Variants in APBB2 observed in about 807,000 individuals in gnomAD.
The protein encoded by APBB2 is amyloid beta precursor protein binding family B member 2, also known as Fe65-like 1.
APBB2 carries 38 observed loss-of-function variants against 82.5 expected under a neutral mutation model. The ratio of observed to expected loss-of-function variants is 0.46; its 90% CI spans 0.36 to 0.60. APBB2 has a LOEUF of 0.60. APBB2 is among the 20% of genes least tolerant of loss of function. The pLI, the probability that APBB2 is intolerant of heterozygous loss-of-function variation, is 0.00. For missense variants in APBB2, 772 were observed against 972.3 expected, an observed-to-expected ratio of 0.79 and a Z score of 2.74; for synonymous variants, 341 against 368.2, an observed-to-expected ratio of 0.93 and a Z score of 0.85.
At chr4:41,138,762 T>C (rs1758285395) in intron 2 of APBB2, among the ~76,000 whole-genome samples, 1 of 152,082 alleles carries the variant, frequency 6.6e-6, no homozygotes, top group South Asian at 2.1e-4. Flanking sequence ...AAATAAATAA[T>C]AATAACATCC....
chr4:40,872,929 T>C (rs1387731292), intron 12 of APBB2, among the ~76,000 whole-genome samples: 1 of 151,518 alleles, frequency 6.6e-6, no homozygotes, highest in East Asian at 1.9e-4. Context: ...CTACTACAAA[T>C]ACAAAAAAAT....
intron 12 of APBB2, among the ~76,000 whole-genome samples, chr4:40,866,851 A>G (rs1395688816): frequency 2.0e-5 from 3 of 152,024 alleles, no homozygotes; most frequent in Admixed American, 1.3e-4. Context: ...CTGAGTAGCT[A>G]GGATTACAGG....
intron 2 of APBB2, among the ~76,000 whole-genome samples, chr4:41,128,137 A>T (rs1274143061): frequency 6.6e-6 from 1 of 152,208 alleles, no homozygotes; most frequent in African/African-American, 2.4e-5. Flanking sequence ...AAAACAAGAC[A>T]TATAAGCAGC....
At chr4:41,021,713 A>G (rs900937383) in intron 5 of APBB2, among the ~76,000 whole-genome samples, 1 of 152,164 alleles carries the variant, frequency 6.6e-6, no homozygotes, top group Non-Finnish European at 1.5e-5. Context: ...CTGAGCTAGC[A>G]ATGGCAACTC....
At chr4:41,206,710 T>TC (rs1342390163) in intron 1 of APBB2, among the ~76,000 whole-genome samples, 1 of 152,040 alleles carries the variant, frequency 6.6e-6, no homozygotes, top group Non-Finnish European at 1.5e-5. Flanking sequence ...CGGTATTAGT[T>TC]CCCCCAGGAA....
intron 17 of APBB2, 39 bp from the exon 18 acceptor site, chr4:40,816,298 C>T: frequency 6.2e-7 from 1 of 1,605,602 alleles, no homozygotes; most frequent in Non-Finnish European, 8.5e-7. Context: ...TAATTAACAA[C>T]ATATTATTTC....
In APBB2 at chr4:40,945,081, A is replaced by AAG; in HGVS notation, c.836-9_836-8insCT. ...GATCACTCCATATATCTGCTGAAAA[A>AAG]TTGGGGGGCGGGGCGGGGGGAGAAA... is the stretch of plus-strand genomic sequence containing the variant. On this transcript the variant is annotated splice_polypyrimidine_tract_variant and intron_variant, in intron 6 of 17. Transcript: ENST00000508593. 4.1e-6 allele frequency: 3 copies of AAG among 735,174 alleles called. No individual in the cohort carries two copies. Among genetic ancestry groups the AAG allele is most frequent in the Non-Finnish European group, 2.2e-6 (1 of 455,936 alleles). The allele number at this position is 735,174 out of a possible 1,614,324, so 45.5% of individuals were successfully genotyped here.
chr4:40,821,619 C>T (rs1289872027), intron 17 of APBB2, among the ~76,000 whole-genome samples: 3 of 152,168 alleles, frequency 2.0e-5, no homozygotes, highest in Non-Finnish European at 2.9e-5. Flanking sequence ...GATTGACCGT[C>T]GTCAAGGTGG....
At chr4:40,940,498 T>C (rs73150586) in intron 7 of APBB2, among the ~76,000 whole-genome samples, 12,202 of 152,240 alleles carry the variant, frequency 0.08, 535 homozygotes, top group Middle Eastern at 0.13. Flanking sequence ...TCATGATTAC[T>C]TGACTGAGTG....
intron 5 of APBB2, among the ~76,000 whole-genome samples, chr4:41,021,857 C>T (rs6834050): frequency 1.5e-3 from 234 of 152,286 alleles, no homozygotes; most frequent in African/African-American, 5.2e-3. Context: ...TGGCTTCATT[C>T]CTCAAGTCAG....
intron 4 of APBB2, among the ~76,000 whole-genome samples, chr4:41,035,712 AC>A (rs1266863290): frequency 6.6e-6 from 1 of 152,222 alleles, no homozygotes; most frequent in Non-Finnish European, 1.5e-5. Flanking sequence ...CATGCATTCA[AC>A]CAAGTGAGGA....
At chr4:41,182,158 A>C (rs532972824) in intron 1 of APBB2, among the ~76,000 whole-genome samples, 2 of 152,266 alleles carry the variant, frequency 1.3e-5, no homozygotes, top group African/African-American at 4.8e-5. Context: ...AGGGAGAGAC[A>C]GTTGTAAAGT....
chr4:41,018,732 G>C (rs1430844193), intron 5 of APBB2, among the ~76,000 whole-genome samples: 1 of 152,154 alleles, frequency 6.6e-6, no homozygotes, highest in Non-Finnish European at 1.5e-5. Flanking sequence ...AGAAACAGTG[G>C]AAAGAGGTAC....
intron 6 of APBB2, among the ~76,000 whole-genome samples, chr4:40,951,492 G>A (rs1034535383): frequency 4.6e-5 from 7 of 152,268 alleles, no homozygotes; most frequent in Non-Finnish European, 1.0e-4. Context: ...CTGCGAAGAC[G>A]CGATACGGCT....
At chr4:40,955,970 C>T (rs929285790) in intron 6 of APBB2, among the ~76,000 whole-genome samples, 3 of 152,012 alleles carry the variant, frequency 2.0e-5, no homozygotes. Context: ...GACAGGGTTT[C>T]ACCATGTTGG....
chr4:40,840,664 C>G (rs1305397597), intron 12 of APBB2, among the ~76,000 whole-genome samples: 1 of 152,098 alleles, frequency 6.6e-6, no homozygotes, highest in African/African-American at 2.4e-5. Flanking sequence ...TACTCGTCAC[C>G]TGGGTAAACA....
intron 12 of APBB2, among the ~76,000 whole-genome samples, chr4:40,856,798 CTCCT>C (rs1363428440): frequency 1.3e-5 from 2 of 152,366 alleles, no homozygotes; most frequent in Non-Finnish European, 2.9e-5. Flanking sequence ...ACAAGCCTCA[CTCCT>C]TCTTCCCACC....
intron 2 of APBB2, among the ~76,000 whole-genome samples, chr4:41,110,120 C>A (rs1469973707): frequency 6.6e-6 from 1 of 152,222 alleles, no homozygotes; most frequent in Non-Finnish European, 1.5e-5. Flanking sequence ...CAGCCCCCAT[C>A]CCTGCAGAAG....
chr4:41,197,420 A>G, intron 1 of APBB2, among the ~76,000 whole-genome samples: 1 of 152,216 alleles, frequency 6.6e-6, no homozygotes, highest in African/African-American at 2.4e-5. Flanking sequence ...CTGAGCACTT[A>G]TTTTGGCCAA....
Sources: allele counts gnomAD v4.1 joint callset (sites outside exome capture counted in the v4.1 genomes callset), GRCh38; gene constraint gnomAD v4.1.1; transcripts MANE v1.5; gene names NCBI Gene and HGNC (gene_info 2026-07-23, HGNC 2026-07-21).